CAMK1G: variants seen among roughly 807,000 people sequenced by gnomAD.
CAMK1G encodes the protein calcium/calmodulin dependent protein kinase IG.
In CAMK1G, 27 loss-of-function variants were observed where a neutral mutation model predicts 54.8. The observed-to-expected ratio is 0.49, with a 90% confidence interval of 0.36 to 0.68. The LOEUF (loss-of-function observed/expected upper bound fraction) is 0.68. Ranked by LOEUF, CAMK1G falls within the 30% of genes least tolerant of loss-of-function variation. The pLI is 0.00. For missense variants in CAMK1G, 512 were observed against 591.0 expected, an observed-to-expected ratio of 0.87 and a Z score of 1.39; for synonymous variants, 238 against 224.9, an observed-to-expected ratio of 1.06 and a Z score of -0.52.
intron 1 of CAMK1G, among the ~76,000 whole-genome samples, chr1:209,589,495 A>T (rs1006469398): frequency 6.6e-6 from 1 of 152,090 alleles, no homozygotes; most frequent in Non-Finnish European, 1.5e-5. Flanking sequence ...CTCCTCTCTA[A>T]AGCAATATAA....
chr1:209,593,940 C>G (rs1040232972), intron 1 of CAMK1G, among the ~76,000 whole-genome samples: 1 of 152,170 alleles, frequency 6.6e-6, no homozygotes, highest in Non-Finnish European at 1.5e-5. Flanking sequence ...CCACTCACCA[C>G]CCCCCACCAT....
chr1:209,592,634 G>T (rs1335226812), intron 1 of CAMK1G, among the ~76,000 whole-genome samples: 1 of 152,180 alleles, frequency 6.6e-6, no homozygotes, highest in African/African-American at 2.4e-5. Context: ...CATGTCACCT[G>T]TCTCCCAATT....
intron 11 of CAMK1G, 48 bp from the exon 12 acceptor site, chr1:209,612,737 C>A: frequency 6.5e-7 from 1 of 1,539,364 alleles, no homozygotes. Flanking sequence ...CCCATCGACT[C>A]TTCTTCCCTC....
At chr1:209,597,107 G>T (rs916594019) in intron 2 of CAMK1G, among the ~76,000 whole-genome samples, 7 of 152,208 alleles carry the variant, frequency 4.6e-5, no homozygotes, top group Non-Finnish European at 1.0e-4. Context: ...TTCCCAGGCT[G>T]CAGACCCCAC....
At chr1:209,601,770 A>G (rs1172047068) in intron 3 of CAMK1G, among the ~76,000 whole-genome samples, 1 of 152,220 alleles carries the variant, frequency 6.6e-6, no homozygotes, top group African/African-American at 2.4e-5. Flanking sequence ...GATAGCTACT[A>G]TTGATTATGT....
At chr1:209,595,119 A>C (rs991397012) in intron 2 of CAMK1G, 44 bp downstream of exon 2, 1 of 1,390,260 alleles carries the variant, frequency 7.2e-7, no homozygotes, top group African/African-American at 1.4e-5. Context: ...GGCTGCCTGC[A>C]GTGGGAGGTT....
chr1:209,586,646 C>T (rs942076439), intron 1 of CAMK1G, among the ~76,000 whole-genome samples: 3 of 152,136 alleles, frequency 2.0e-5, no homozygotes, highest in African/African-American at 7.2e-5. Flanking sequence ...CTGCATGGCA[C>T]TTTAGAGGTT....
chr1:209,611,356 C>T (rs921480534), intron 9 of CAMK1G, 109 bp from the exon 10 acceptor site: 11 of 921,588 alleles, frequency 1.2e-5, no homozygotes, highest in African/African-American at 1.6e-5. Flanking sequence ...GCTGTCTTTC[C>T]TCTGCACACT....
At chr1:209,606,656 C>A (rs958893571) in intron 6 of CAMK1G, among the ~76,000 whole-genome samples, 11 of 152,220 alleles carry the variant, frequency 7.2e-5, no homozygotes, top group African/African-American at 2.7e-4. Flanking sequence ...AGACCGCCTA[C>A]CCCTGAGCCC....
chr1:209,601,401 C>G (rs142314052), intron 3 of CAMK1G, among the ~76,000 whole-genome samples: 1 of 152,064 alleles, frequency 6.6e-6, no homozygotes, highest in Non-Finnish European at 1.5e-5. Flanking sequence ...AATATAATTG[C>G]TAGGGGTGGA....
intron 1 of CAMK1G, among the ~76,000 whole-genome samples, chr1:209,589,586 C>A (rs1665194080): frequency 6.6e-6 from 1 of 152,198 alleles, no homozygotes; most frequent in Non-Finnish European, 1.5e-5. Flanking sequence ...CACCCCCAAG[C>A]TTTTCTCTCA....
intron 6 of CAMK1G, 39 bp from the exon 7 acceptor site, chr1:209,607,819 C>T (rs1377000499): frequency 4.4e-6 from 7 of 1,588,350 alleles, no homozygotes; most frequent in Non-Finnish European, 6.0e-6. Context: ...GCCCTCTCCT[C>T]TTGCCACCAG....
chr1:209,587,941 C>T (rs993727921), intron 1 of CAMK1G, among the ~76,000 whole-genome samples: 2 of 152,166 alleles, frequency 1.3e-5, no homozygotes, highest in Non-Finnish European at 2.9e-5. Context: ...TGATAACCTC[C>T]CTCCCAAGGC....
chr1:209,606,427 G>A lies in CAMK1G; in HGVS notation c.543G>A (p.Gly181=), dbSNP rs754396153. The change falls in exon 6 of 13, where the codon GGG becomes GGA. Residue 181 remains glycine (G), a synonymous_variant. Coordinates refer to ENST00000361322, the MANE Select transcript of CAMK1G (RefSeq NM_020439.3). Reference sequence around the variant, plus strand: ...ATGGCATCATGTCCACTGCCTGTGGGACCCCAGGCTACGTGGGTAAGTCTG... The same window carrying A: ...ATGGCATCATGTCCACTGCCTGTGGAACCCCAGGCTACGTGGGTAAGTCTG... The part of the protein sequence containing the change: ...EQNGIMSTAC[G]TPGYVAPEVL... The A allele has an allele frequency of 7.4e-6, 12 of 1,613,850 alleles. No homozygotes were observed. The highest frequency in any genetic ancestry group is 1.0e-5 in the Non-Finnish European group (12 of 1,179,910).
chr1:209,600,077 A>G lies in CAMK1G; in HGVS notation c.187A>G (p.Ser63Gly). ...CAAGAAGTCACCTGCCTTCCGGGAC[A>G]GCAGCCTGGAGAATGAGATTGCTGT... The part of the protein sequence containing the change: ...CIKKSPAFRD[S>G]SLENEIAVLK... The change falls in exon 3 of 13, where the codon AGC (serine) becomes GGC (glycine). Residue 63 changes from serine (S) to glycine (G), a missense_variant. Around this residue, in one of 3 missense-constraint regions of CAMK1G, gnomAD observed 186 missense variants for 231.5 expected, o/e 0.80. Coordinates refer to ENST00000361322, the MANE Select transcript of CAMK1G (RefSeq NM_020439.3). 1.2e-6 allele frequency: 2 copies of G among 1,613,994 alleles called. No individual in the cohort carries two copies. Among genetic ancestry groups the G allele is most frequent in the Non-Finnish European group, 1.7e-6 (2 of 1,179,878 alleles).
intron 1 of CAMK1G, among the ~76,000 whole-genome samples, chr1:209,592,738 A>G (rs1665288223): frequency 6.6e-6 from 1 of 152,174 alleles, no homozygotes; most frequent in African/African-American, 2.4e-5. Flanking sequence ...TCCAGGATCT[A>G]CTTGGACCAA....
At chr1:209,611,745 C>T (rs778447398) in intron 10 of CAMK1G, 47 bp from the exon 11 acceptor site, 2 of 1,591,930 alleles carry the variant, frequency 1.3e-6, no homozygotes, top group African/African-American at 2.7e-5. Flanking sequence ...AGCTCCAAGG[C>T]CCTCTGAGGT....
At chr1:209,584,155 A>G (rs7522730) in intron 1 of CAMK1G, among the ~76,000 whole-genome samples, 96,041 of 151,884 alleles carry the variant, frequency 0.63, 30,530 homozygotes, top group Non-Finnish European at 0.66. Context: ...AGGACCTCCA[A>G]CTCTCTTGCA....
Position 209,612,789 on chromosome 1 carries a change from T to A in CAMK1G, c.1345T>A (p.Phe449Ile). The stretch of plus-strand genomic sequence containing the variant: ...GTTGCTTCATTTCCTTTCTAGGAAC[T>A]TCAAGTCGGAGGTCATGGTACCAGT... ...LLKKANKKQN[F>I]KSEVMVPVKA... The change falls in exon 12 of 13, where the codon TTC (phenylalanine) becomes ATC (isoleucine). Residue 449 changes from phenylalanine (F) to isoleucine (I), a missense_variant. Around this residue, in one of 3 missense-constraint regions of CAMK1G, gnomAD observed 315 missense variants for 330.5 expected, o/e 0.95. Transcript: ENST00000361322. The A allele has an allele frequency of 6.2e-7, 1 of 1,613,990 alleles. No homozygotes were observed. Among genetic ancestry groups the A allele is most frequent in the Non-Finnish European group, 8.5e-7 (1 of 1,179,896 alleles).
Sources: gnomAD v4.1 joint callset for allele counts (sites outside exome capture counted in the v4.1 genomes callset) on GRCh38, gnomAD v4.1.1 for gene constraint, gnomAD v4.1.1 regional missense constraint, MANE v1.5 for transcripts, NCBI Gene and HGNC (gene_info 2026-07-23, HGNC 2026-07-21) for gene names.